IQCM: variants seen among roughly 807,000 people sequenced by gnomAD.
IQCM encodes IQ domain-containing protein M.
A neutral mutation model predicts 57.6 loss-of-function variants in IQCM; 45 were observed. The ratio of observed to expected loss-of-function variants is 0.78; its 90% CI spans 0.62 to 1.00. The LOEUF (loss-of-function observed/expected upper bound fraction) is 1.00, where lower values mean the gene tolerates loss of function less well. Among genes scored for constraint, IQCM ranks in the 50% least tolerant of loss-of-function variants. The probability of loss-of-function intolerance (pLI) is 0.00; values close to 1 mark genes in which losing one functional copy is unlikely to be tolerated. For synonymous variants in IQCM, 148 were observed against 158.9 expected, an observed-to-expected ratio of 0.93 and a Z score of 0.51; for missense variants, 468 against 511.6, an observed-to-expected ratio of 0.91 and a Z score of 0.82.
At chr4:149,729,785 G>A (rs748182272) in intron 5 of IQCM, among the ~76,000 whole-genome samples, 12 of 151,980 alleles carry the variant, frequency 7.9e-5, no homozygotes, top group Non-Finnish European at 1.5e-4. Context: ...TGCCATGAGG[G>A]TATCTGAGAT....
intron 13 of IQCM, among the ~76,000 whole-genome samples, chr4:149,400,895 G>C (rs1732574896): frequency 1.3e-5 from 2 of 151,844 alleles, no homozygotes; most frequent in Non-Finnish European, 2.9e-5. Flanking sequence ...TCTTATGACA[G>C]ACTATGTCTA....
intron 12 of IQCM, among the ~76,000 whole-genome samples, chr4:149,548,062 C>T (rs183814591): frequency 5.9e-4 from 89 of 151,988 alleles, no homozygotes; most frequent in African/African-American, 2.1e-3. Flanking sequence ...TTAACTTGAC[C>T]GTGTTCTCCA....
intron 9 of IQCM, among the ~76,000 whole-genome samples, chr4:149,578,411 C>T (rs1269175654): frequency 1.3e-5 from 2 of 151,668 alleles, no homozygotes; most frequent in African/African-American, 4.8e-5. Context: ...GGTGTTTATG[C>T]CAAAGGCGTG....
Position 149,464,568 on chromosome 4 carries a change from A to G in IQCM, c.1229-31011T>C, listed in dbSNP as rs531729536. ...TATCCTCAGGCATCATGCCTTGCTT[A>G]CCATATGGCAAACTTGCCCAAATGT... On this transcript the variant is annotated intron_variant, in intron 12 of 13. Transcript: ENST00000636793. 2.0e-5 allele frequency among the ~76,000 whole-genome samples: 3 copies of G among 152,274 alleles called. No individual in the cohort carries two copies. In the East Asian group the frequency reaches 5.8e-4, roughly 29 times the overall value.
chr4:149,379,156 A>G (rs905892463), intron 13 of IQCM, among the ~76,000 whole-genome samples: 1 of 152,236 alleles, frequency 6.6e-6, no homozygotes, highest in African/African-American at 2.4e-5. Context: ...ATGTCCAGGC[A>G]GACATTTGTT....
At chr4:149,577,436 A>T (rs913937150) in intron 9 of IQCM, among the ~76,000 whole-genome samples, 1 of 151,798 alleles carries the variant, frequency 6.6e-6, no homozygotes, top group East Asian at 1.9e-4. Context: ...TCCAGTTTTA[A>T]TCTCCTACAT....
chr4:149,612,089 G>GGA (rs3057351), intron 8 of IQCM, among the ~76,000 whole-genome samples: 52 of 148,964 alleles, frequency 3.5e-4, no homozygotes, highest in South Asian at 8.6e-4. Context: ...CATGGGGGAA[G>GGA]GAGAGAGAGA....
intron 12 of IQCM, among the ~76,000 whole-genome samples, chr4:149,530,811 C>CA (rs1746667766): frequency 7.6e-6 from 1 of 132,260 alleles, no homozygotes; most frequent in South Asian, 3.0e-4. Flanking sequence ...CCACCCCCCC[C>CA]CCACATACAC....
At chr4:149,714,092 C>T (rs1255337363) in intron 5 of IQCM, among the ~76,000 whole-genome samples, 20 of 152,138 alleles carry the variant, frequency 1.3e-4, no homozygotes. Context: ...TCAAGGTCAT[C>T]GTTGACCTCC....
intron 7 of IQCM, among the ~76,000 whole-genome samples, chr4:149,655,200 A>G (rs1759530708): frequency 6.6e-6 from 1 of 152,188 alleles, no homozygotes; most frequent in Non-Finnish European, 1.5e-5. Flanking sequence ...TATTGACTGT[A>G]TATTCAGTCT....
At chr4:149,453,451 G>A (rs944286600) in intron 12 of IQCM, among the ~76,000 whole-genome samples, 2 of 151,788 alleles carry the variant, frequency 1.3e-5, no homozygotes, top group Non-Finnish European at 2.9e-5. Context: ...TAGACTAGAA[G>A]AAAATATCTG....
chr4:149,662,114 G>A (rs182300827), intron 7 of IQCM, among the ~76,000 whole-genome samples: 1 of 151,902 alleles, frequency 6.6e-6, no homozygotes, highest in Non-Finnish European at 1.5e-5. Context: ...CTTTTGCTAT[G>A]TCCCGTGGGT....
chr4:149,451,543 C>G (rs1737123082), intron 12 of IQCM, among the ~76,000 whole-genome samples: 1 of 151,476 alleles, frequency 6.6e-6, no homozygotes, highest in East Asian at 1.9e-4. Flanking sequence ...TCCAGAGATT[C>G]TGGTTTAACA....
At chr4:149,516,196 A>C (rs896253124) in intron 12 of IQCM, among the ~76,000 whole-genome samples, 55 of 152,200 alleles carry the variant, frequency 3.6e-4, no homozygotes, top group African/African-American at 1.3e-3. Flanking sequence ...TCAGCCAGCT[A>C]CCTGGTGGTA....
At chr4:149,545,982 C>G (rs142344658) in intron 12 of IQCM, among the ~76,000 whole-genome samples, 1 of 152,114 alleles carries the variant, frequency 6.6e-6, no homozygotes, top group Non-Finnish European at 1.5e-5. Context: ...CCCGACCCCA[C>G]GACAGGCCCC....
intron 3 of IQCM, among the ~76,000 whole-genome samples, chr4:149,739,324 G>A (rs1291006655): frequency 6.6e-6 from 1 of 151,964 alleles, no homozygotes; most frequent in Non-Finnish European, 1.5e-5. Flanking sequence ...ACAGAGATTT[G>A]TCTGAAGATT....
At position 149,402,520 on chromosome 4, in the gene IQCM, T is replaced by C. The variant is rs117445854; in HGVS notation, c.1390+30876A>G. Among the ~76,000 whole-genome samples, 25 of 151,848 alleles carry C rather than the reference T, an allele frequency of 1.6e-4. No homozygotes were observed. The East Asian group carries it at 4.7e-3, about 28-fold the overall frequency. Reference sequence around the variant, plus strand: ...GATCAATTATTTCTTCCCATGAAGGTGAAGGGGTTTGGCTTACAAAGGAAT... The same window carrying C: ...GATCAATTATTTCTTCCCATGAAGGCGAAGGGGTTTGGCTTACAAAGGAAT... On this transcript the variant is annotated intron_variant, in intron 13 of 13. Transcript: ENST00000636793.
chr4:149,418,487 T>C (rs1227482644), intron 13 of IQCM, among the ~76,000 whole-genome samples: 1 of 152,044 alleles, frequency 6.6e-6, no homozygotes, highest in Non-Finnish European at 1.5e-5. Context: ...CCAGATGGAT[T>C]TACAGCTAAA....
At chr4:149,473,786 T>C (rs1352840693) in intron 12 of IQCM, among the ~76,000 whole-genome samples, 1 of 152,186 alleles carries the variant, frequency 6.6e-6, no homozygotes, top group East Asian at 1.9e-4. Flanking sequence ...CATGGAATAC[T>C]ATGCAGCCAT....
Sources: gnomAD v4.1 joint callset for allele counts (sites outside exome capture counted in the v4.1 genomes callset) on GRCh38, gnomAD v4.1.1 for gene constraint, MANE v1.5 for transcripts, NCBI Gene and HGNC (gene_info 2026-07-23, HGNC 2026-07-21) for gene names.